Variants in CREBBP observed in about 807,000 individuals in gnomAD.
The protein encoded by CREBBP is CREB binding lysine acetyltransferase.
A neutral mutation model predicts 265.0 loss-of-function variants in CREBBP; 19 were observed. That is an observed-to-expected ratio of 0.07 (90% CI 0.05 to 0.11). The LOEUF is 0.11. Among genes scored for constraint, CREBBP ranks in the 10% least tolerant of loss-of-function variants. The probability of loss-of-function intolerance (pLI) is 1.00; values close to 1 mark genes in which losing one functional copy is unlikely to be tolerated. For synonymous variants in CREBBP, 1,457 were observed against 1,223.7 expected, an observed-to-expected ratio of 1.19 and a Z score of -3.98; for missense variants, 2,525 against 3,219.0, an observed-to-expected ratio of 0.78 and a Z score of 5.22.
chr16:3,764,743 T>C (rs1596871444), intron 16 of CREBBP, among the ~76,000 whole-genome samples: 1 of 150,812 alleles, frequency 6.6e-6, no homozygotes, highest in African/African-American at 2.4e-5. Flanking sequence ...ACCACCACAC[T>C]TGGCTGATTT....
At chr16:3,852,863 T>C (rs2054881348) in intron 1 of CREBBP, among the ~76,000 whole-genome samples, 1 of 151,736 alleles carries the variant, frequency 6.6e-6, no homozygotes, top group Admixed American at 6.6e-5. Flanking sequence ...ATCTCTACCC[T>C]CTCATTTCCC....
rs757962926 is a variant in CREBBP at position 3,787,070 on chromosome 16, C to CAAAAAAAAAAAAAA, written c.1331-4158_1331-4145dup. On this transcript the variant is annotated intron_variant, in intron 5 of 30. Coordinates refer to ENST00000262367, the MANE Select transcript of CREBBP (RefSeq NM_004380.3). ...TGGGCGACAGAGTGAGACTTCGTCT[C>CAAAAAAAAAAAAAA]AAAAAAAAAAAAAAAAGAATTTATT... Among the ~76,000 whole-genome samples the CAAAAAAAAAAAAAA allele has an allele frequency of 1.7e-3, 146 of 86,898 alleles. 3 individuals carry two copies. Among genetic ancestry groups the CAAAAAAAAAAAAAA allele is most frequent in the African/African-American group, 5.3e-3 (126 of 23,874 alleles). The allele number at this position is 86,898 out of a possible 152,430, so 57.0% of individuals were successfully genotyped here.
In CREBBP at chr16:3,849,427, GTGTGTGTGTGT is replaced by G. The variant is rs2054749546; in HGVS notation, c.798+859_798+869del. Among the ~76,000 whole-genome samples the G allele has an allele frequency of 5.4e-3, 89 of 16,384 alleles. 3 individuals are homozygous for G. Among genetic ancestry groups the G allele is most frequent in the Middle Eastern group, 0.056 (1 of 18 alleles). 10.7% of individuals were successfully genotyped at this position (16,384 alleles called of 152,430 possible). On this transcript the variant is annotated intron_variant, in intron 2 of 30. Transcript: ENST00000262367. Reference sequence around the variant, plus strand: ...TGTGTGTGTGTGTGTGTGTGTGTGTGTGTGTGTGTGTGTGTGTGTGTGTGTGTGTGTGTGTG... The same window carrying G: ...TGTGTGTGTGTGTGTGTGTGTGTGTGGTGTGTGTGTGTGTGTGTGTGTGTG...
Position 3,727,888 on chromosome 16 carries a change from G to A in CREBBP, c.7159C>T (p.Leu2387Phe), listed in dbSNP as rs1209302399. 1.2e-6 allele frequency: 2 copies of A among 1,613,452 alleles called. No homozygotes were observed. Among genetic ancestry groups the A allele is most frequent in the Non-Finnish European group, 1.7e-6 (2 of 1,179,562 alleles). Reference sequence around the variant, plus strand: ...ATGGAGCTGGCCATGGTGACTGCGAGTCCGGGGTGGGGGGAACCAGTCTGG... The same window carrying A: ...ATGGAGCTGGCCATGGTGACTGCGAATCCGGGGTGGGGGGAACCAGTCTGG... ...SPQTGSPHPGLAVTMASSIDQ... is the reference protein window; with the variant it reads ...SPQTGSPHPGFAVTMASSIDQ... The change falls in exon 31 of 31, where the codon CTC (leucine) becomes TTC (phenylalanine). Residue 2387 changes from leucine to phenylalanine, a missense_variant. Around this residue, in one of 19 missense-constraint regions of CREBBP, gnomAD observed 473 missense variants for 459.3 expected, o/e 1.03. Coordinates refer to ENST00000262367, the MANE Select transcript of CREBBP (RefSeq NM_004380.3).
At chr16:3,874,394 G>C (rs1047308270) in intron 1 of CREBBP, among the ~76,000 whole-genome samples, 1 of 152,148 alleles carries the variant, frequency 6.6e-6, no homozygotes, top group Non-Finnish European at 1.5e-5. Flanking sequence ...CTCCCCAACG[G>C]GTGCTCAGAG....
At chr16:3,844,224 G>A (rs1243959738) in intron 2 of CREBBP, among the ~76,000 whole-genome samples, 1 of 144,248 alleles carries the variant, frequency 6.9e-6, no homozygotes, top group Non-Finnish European at 1.5e-5. Context: ...TATAAAAATT[G>A]ACAAAGCACA....
chr16:3,803,769 T>C (rs2141323146), intron 3 of CREBBP, among the ~76,000 whole-genome samples: 1 of 151,914 alleles, frequency 6.6e-6, no homozygotes, highest in South Asian at 2.1e-4. Context: ...TGGGAGTTAC[T>C]TGTTACAGCA....
intron 21 of CREBBP, 108 bp from the exon 22 acceptor site, chr16:3,745,462 G>A: frequency 1.1e-6 from 1 of 947,926 alleles, no homozygotes; most frequent in Non-Finnish European, 1.7e-6. Flanking sequence ...GTTACTTTGA[G>A]TAGTGCTGAC....
chr16:3,784,067 T>G (rs762757877), intron 5 of CREBBP, among the ~76,000 whole-genome samples: 1 of 152,216 alleles, frequency 6.6e-6, no homozygotes, highest in Non-Finnish European at 1.5e-5. Context: ...CCACAAATTT[T>G]AGAGTCATGT....
chr16:3,852,059 A>G (rs1478370158), intron 1 of CREBBP, among the ~76,000 whole-genome samples: 1 of 139,874 alleles, frequency 7.1e-6, no homozygotes, highest in Non-Finnish European at 1.6e-5. Context: ...AAAAAAAAAA[A>G]AAAAAAAAAA....
intron 3 of CREBBP, among the ~76,000 whole-genome samples, chr16:3,806,446 C>T (rs1663077048): frequency 6.7e-6 from 1 of 149,284 alleles, no homozygotes; most frequent in Non-Finnish European, 1.5e-5. Flanking sequence ...CTCCATAACG[C>T]AGTTCTTAAA....
In CREBBP at chr16:3,778,675, C is replaced by T. The variant is rs771643598; in HGVS notation, c.1941+25G>A. On this transcript the variant is annotated intron_variant, in intron 9 of 30. Coordinates refer to ENST00000262367, the MANE Select transcript of CREBBP (RefSeq NM_004380.3). ...TGTCTACTACAGATGCTGTAGAGGC[C>T]AGAGCACGGTAAACAGCAACCTACC... 5 of 1,541,960 alleles carry T rather than the reference C, an allele frequency of 3.2e-6. No individual in the cohort carries two copies. In the East Asian group the frequency reaches 1.1e-4, roughly 35 times the overall value.
intron 2 of CREBBP, among the ~76,000 whole-genome samples, chr16:3,849,432 T>TGTGTGTGTGTG (rs2054754388): frequency 2.0e-3 from 18 of 9,086 alleles, no homozygotes; most frequent in East Asian, 0.021. Flanking sequence ...TGTGTGTGTG[T>TGTGTGTGTGTG]GTGTGTGTGT....
intron 8 of CREBBP, 121 bp downstream of exon 8, chr16:3,780,611 A>G (rs1410097257): frequency 1.9e-6 from 2 of 1,034,394 alleles, no homozygotes; most frequent in Non-Finnish European, 2.9e-6. Flanking sequence ...ACCAGCAGTG[A>G]GAGTGGCTCC....
rs998784562 is a variant in CREBBP, at chr16:3,731,997, G to A, written c.4729-60C>T. The A allele has an allele frequency of 3.7e-6, 6 of 1,612,886 alleles. No individual in the cohort carries two copies. The highest frequency in any genetic ancestry group is 3.3e-5 in the South Asian group (3 of 91,022). Reference sequence around the variant, plus strand: ...GTGCCCCTCCACACTTGGCACGGACGCCCAGCTCCCAGGCCGTGGGCATCA... The same window carrying A: ...GTGCCCCTCCACACTTGGCACGGACACCCAGCTCCCAGGCCGTGGGCATCA... On this transcript the variant is annotated intron_variant, in intron 28 of 30. Transcript: ENST00000262367. The surrounding 1 kb of genome is among the most constrained non-coding windows in gnomAD (Gnocchi z 7.7).
In CREBBP at chr16:3,837,619, A is replaced by T. The variant is rs185811665; in HGVS notation, c.798+12678T>A. On this transcript the variant is annotated intron_variant, in intron 2 of 30. Coordinates refer to ENST00000262367, the MANE Select transcript of CREBBP (RefSeq NM_004380.3). ...ATACACAGCAAGACTGTCTCAAAAA[A>T]AATAATAATAATAATAAATAAATAA... Among the ~76,000 whole-genome samples, 1,024 of 151,112 alleles carry T rather than the reference A, an allele frequency of 6.8e-3. 11 individuals carry two copies. Among genetic ancestry groups the T allele is most frequent in the African/African-American group, 0.022 (919 of 41,410 alleles).
At chr16:3,752,445 A>AT (rs1195234988) in intron 19 of CREBBP, among the ~76,000 whole-genome samples, 2 of 149,134 alleles carry the variant, frequency 1.3e-5, no homozygotes, top group Admixed American at 6.6e-5. Flanking sequence ...ACTGATTTTA[A>AT]TTTTTTCCTG....
At chr16:3,794,234 A>G (rs938552498) in intron 3 of CREBBP, among the ~76,000 whole-genome samples, 1 of 143,672 alleles carries the variant, frequency 7.0e-6, no homozygotes, top group African/African-American at 2.6e-5. Context: ...CGGGAGGCTG[A>G]GGCAGGAGAA....
At chr16:3,863,402 A>T (rs370329891) in intron 1 of CREBBP, among the ~76,000 whole-genome samples, 20 of 152,258 alleles carry the variant, frequency 1.3e-4, no homozygotes, top group African/African-American at 4.6e-4. Context: ...CAGGAGATCA[A>T]GACCCGTCTG....
Sources: gnomAD v4.1 joint callset for allele counts (sites outside exome capture counted in the v4.1 genomes callset) on GRCh38, gnomAD v4.1.1 for gene constraint, gnomAD v4.1.1 regional missense constraint, Gnocchi (gnomAD v3.1) non-coding constraint, MANE v1.5 for transcripts, NCBI Gene and HGNC (gene_info 2026-07-23, HGNC 2026-07-21) for gene names.